WDFY3: variants seen among roughly 807,000 people sequenced by gnomAD.
WDFY3 encodes WD repeat and FYVE domain-containing protein 3.
Under a neutral mutation model 409.6 loss-of-function variants are expected in WDFY3, and 66 were observed. The ratio of observed to expected loss-of-function variants is 0.16; its 90% CI spans 0.13 to 0.20. The LOEUF (loss-of-function observed/expected upper bound fraction) is 0.20. Ranked by LOEUF, WDFY3 falls within the 10% of genes least tolerant of loss-of-function variation. WDFY3 has a pLI of 1.00. For synonymous variants in WDFY3, 1,521 were observed against 1,537.1 expected (o/e 0.99, Z 0.25); for missense variants, 3,031 against 4,298.1 (o/e 0.71, Z 8.24).
At chr4:84,731,923 A>G (rs1736672393) in intron 44 of WDFY3, among the ~76,000 whole-genome samples, 1 of 152,208 alleles carries the variant, frequency 6.6e-6, no homozygotes, top group African/African-American at 2.4e-5. Flanking sequence ...TCAATTTAAG[A>G]AGTGACTCAA....
chr4:84,931,144 T>C (rs1770713198), intron 2 of WDFY3, among the ~76,000 whole-genome samples: 1 of 152,204 alleles, frequency 6.6e-6, no homozygotes, highest in Non-Finnish European at 1.5e-5. Flanking sequence ...ACTGGGGGTC[T>C]TGGAACATAT....
chr4:84,804,618 A>T (rs1249641724), intron 15 of WDFY3, among the ~76,000 whole-genome samples: 2 of 152,156 alleles, frequency 1.3e-5, no homozygotes, highest in Non-Finnish European at 2.9e-5. Context: ...AAACTTACTA[A>T]GAAAAATATT....
chr4:84,805,140 C>T (rs150672167), intron 15 of WDFY3, among the ~76,000 whole-genome samples: 72 of 152,194 alleles, frequency 4.7e-4, no homozygotes, highest in African/African-American at 1.7e-3. Context: ...CTTCTGGCTA[C>T]TTGTATAAGA....
At chr4:84,782,872 G>A in intron 25 of WDFY3, 91 bp downstream of exon 25, 1 of 1,107,046 alleles carries the variant, frequency 9.0e-7, no homozygotes, top group Middle Eastern at 2.1e-4. Flanking sequence ...ATTAAAATAT[G>A]AACTTAAATA....
At chr4:84,696,668 T>C in intron 57 of WDFY3, 64 bp downstream of exon 57, 1 of 1,533,682 alleles carries the variant, frequency 6.5e-7, no homozygotes, top group Non-Finnish European at 9.0e-7. Flanking sequence ...AGAGGCCCTG[T>C]CTTTGTATTA....
intron 2 of WDFY3, among the ~76,000 whole-genome samples, chr4:84,922,910 AT>A (rs1291695227): frequency 6.6e-6 from 1 of 152,206 alleles, no homozygotes; most frequent in Non-Finnish European, 1.5e-5. Flanking sequence ...CAACAGAGTT[AT>A]TTAATTTACT....
chr4:84,962,608 T>C (rs1775052880), intron 1 of WDFY3, among the ~76,000 whole-genome samples: 1 of 152,150 alleles, frequency 6.6e-6, no homozygotes, highest in Non-Finnish European at 1.5e-5. Context: ...GTTAAACTTT[T>C]ACTTTCACTA....
intron 3 of WDFY3, among the ~76,000 whole-genome samples, chr4:84,878,628 AATG>A (rs1406010637): frequency 6.6e-6 from 1 of 152,218 alleles, no homozygotes; most frequent in African/African-American, 2.4e-5. Flanking sequence ...ATGTATACAT[AATG>A]ATGTTGACAT....
Position 84,810,165 on chromosome 4 carries a change from G to GAACACAGTGTGAAGAAGTTCA in WDFY3, c.2046_2066dup (p.Glu683_Phe689dup). ...AGCGCATTGCTGCAGTCAACGTGCAGAACACAGTGTGAAGAAGTTCAAACA... is the reference window on the plus strand; with the variant it reads ...AGCGCATTGCTGCAGTCAACGTGCAGAACACAGTGTGAAGAAGTTCAAACACAGTGTGAAGAAGTTCAAACA... On this transcript the variant is annotated inframe_insertion, in exon 14 of 68. Transcript: ENST00000295888. The GAACACAGTGTGAAGAAGTTCA allele has an allele frequency of 6.2e-7, 1 of 1,614,164 alleles. No individual in the cohort carries two copies. Among genetic ancestry groups the GAACACAGTGTGAAGAAGTTCA allele is most frequent in the Non-Finnish European group, 8.5e-7 (1 of 1,180,006 alleles).
intron 38 of WDFY3, among the ~76,000 whole-genome samples, chr4:84,741,378 G>A (rs1009449927): frequency 1.3e-5 from 2 of 149,474 alleles, no homozygotes; most frequent in Admixed American, 1.3e-4. Context: ...GCAGTACTGT[G>A]ATCTTGGCTC....
Position 84,913,741 on chromosome 4 carries a change from TAG to T in WDFY3, c.-131-16733_-131-16732del, listed in dbSNP as rs200337434. Among the ~76,000 whole-genome samples the T allele has an allele frequency of 7.5e-3, 1,137 of 151,032 alleles. 4 individuals are homozygous for T. The highest frequency in any genetic ancestry group is 0.052 in the South Asian group (247 of 4,780). On this transcript the variant is annotated intron_variant, in intron 2 of 67. Coordinates refer to ENST00000295888, the MANE Select transcript of WDFY3 (RefSeq NM_014991.6). ...AGAAGGATTGGAAAAGAAATATTTT[TAG>T]AGAAATAAAGCAAAAAAAAAAAAGG...
At chr4:84,730,164 T>A (rs1388372238) in intron 44 of WDFY3, among the ~76,000 whole-genome samples, 2 of 152,300 alleles carry the variant, frequency 1.3e-5, no homozygotes, top group African/African-American at 4.8e-5. Flanking sequence ...TAATTTTATA[T>A]TCATAATTTT....
intron 1 of WDFY3, among the ~76,000 whole-genome samples, chr4:84,963,296 G>A (rs1408733475): frequency 6.6e-5 from 10 of 151,536 alleles, no homozygotes; most frequent in Non-Finnish European, 1.3e-4. Flanking sequence ...TGGTGGCGAG[G>A]GTCTATAGTC....
intron 3 of WDFY3, among the ~76,000 whole-genome samples, chr4:84,875,845 G>A (rs1762707983): frequency 1.3e-5 from 2 of 152,092 alleles, no homozygotes; most frequent in African/African-American, 2.4e-5. Context: ...CTTCAGGGAC[G>A]ATAACCCATA....
At chr4:84,964,983 A>G (rs1775441073) in intron 1 of WDFY3, among the ~76,000 whole-genome samples, 1 of 152,234 alleles carries the variant, frequency 6.6e-6, no homozygotes, top group East Asian at 1.9e-4. Context: ...AATGCAATAT[A>G]TATTTTTAAA....
chr4:84,727,730 C>A (rs1191470831), intron 44 of WDFY3, among the ~76,000 whole-genome samples: 1 of 152,116 alleles, frequency 6.6e-6, no homozygotes, highest in Non-Finnish European at 1.5e-5. Flanking sequence ...CTTCTGGTAC[C>A]TTTCCCTATA....
chr4:84,841,436 A>G (rs1560898418), intron 5 of WDFY3, among the ~76,000 whole-genome samples, 173 bp from the exon 6 acceptor site: 2 of 152,236 alleles, frequency 1.3e-5, no homozygotes, highest in Admixed American at 6.5e-5. Context: ...ATAAACCTTT[A>G]TATCATTAAT....
intron 2 of WDFY3, among the ~76,000 whole-genome samples, chr4:84,907,080 T>C (rs1767138741): frequency 6.6e-6 from 1 of 152,202 alleles, no homozygotes. Context: ...GCTGAATTTA[T>C]TTCCATTTGG....
intron 30 of WDFY3, among the ~76,000 whole-genome samples, chr4:84,770,779 A>C (rs75485516): frequency 0.066 from 10,035 of 152,278 alleles, 444 homozygotes; most frequent in Admixed American, 0.12. Context: ...ACAATAAAGT[A>C]ATAATCTAGA....
Sources: allele counts gnomAD v4.1 joint callset (sites outside exome capture counted in the v4.1 genomes callset), GRCh38; gene constraint gnomAD v4.1.1; transcripts MANE v1.5; gene names NCBI Gene and HGNC (gene_info 2026-07-23, HGNC 2026-07-21).